The following TMEM132D variants were observed in gnomAD, a reference collection of about 807,000 sequenced individuals.
The protein encoded by TMEM132D is transmembrane protein 132D.
Under a neutral mutation model 62.3 loss-of-function variants are expected in TMEM132D, and 21 were observed. The observed-to-expected ratio is 0.34, with a 90% CI of 0.24 to 0.49. TMEM132D has a LOEUF of 0.49. Among genes scored for constraint, TMEM132D ranks in the 20% least tolerant of loss-of-function variants. The pLI, the probability that TMEM132D is intolerant of heterozygous loss-of-function variation, is 0.99. For synonymous variants in TMEM132D, 621 were observed against 575.6 expected (o/e 1.08, Z -1.13); for missense variants, 1,346 against 1,402.8 (o/e 0.96, Z 0.65).
chr12:129,727,596 G>A (rs1869083356), intron 1 of TMEM132D, among the ~76,000 whole-genome samples: 1 of 152,186 alleles, frequency 6.6e-6, no homozygotes, highest in East Asian at 1.9e-4. Context: ...AGGTCAGAGA[G>A]AGGGCAAGAG....
chr12:129,796,238 G>A (rs1180211062), intron 1 of TMEM132D, among the ~76,000 whole-genome samples: 1 of 152,026 alleles, frequency 6.6e-6, no homozygotes, highest in Admixed American at 6.6e-5. Context: ...AACTCTTTGG[G>A]CTAAATCTTT....
intron 1 of TMEM132D, among the ~76,000 whole-genome samples, chr12:129,727,698 A>T (rs981042476): frequency 4.7e-4 from 72 of 152,160 alleles, no homozygotes; most frequent in African/African-American, 1.7e-3. Flanking sequence ...CAGCATGAGA[A>T]ATTTTCTTCC....
chr12:129,450,422 T>C (rs1169558761), intron 3 of TMEM132D, among the ~76,000 whole-genome samples: 2 of 152,224 alleles, frequency 1.3e-5, no homozygotes, highest in Non-Finnish European at 2.9e-5. Flanking sequence ...TTTATCTATG[T>C]AACAAACCTG....
intron 2 of TMEM132D, among the ~76,000 whole-genome samples, chr12:129,537,079 GA>G (rs1351384149): frequency 1.3e-5 from 2 of 149,604 alleles, no homozygotes; most frequent in African/African-American, 4.9e-5. Context: ...AGAATTGCTT[GA>G]ACCCGGGAGG....
At chr12:129,339,455 A>G (rs908725688) in intron 3 of TMEM132D, among the ~76,000 whole-genome samples, 5 of 132,856 alleles carry the variant, frequency 3.8e-5, no homozygotes, top group African/African-American at 1.3e-4. Context: ...AAAAGACGAC[A>G]GCTGGTTTTT....
chr12:129,676,962 C>T (rs748853606), intron 2 of TMEM132D, among the ~76,000 whole-genome samples: 2 of 152,162 alleles, frequency 1.3e-5, no homozygotes, highest in East Asian at 3.9e-4. Flanking sequence ...CTTTTTTCCA[C>T]CTAATGTTTT....
At chr12:129,714,895 G>A (rs1343586659) in intron 1 of TMEM132D, among the ~76,000 whole-genome samples, 2 of 152,198 alleles carry the variant, frequency 1.3e-5, no homozygotes, top group African/African-American at 4.8e-5. Context: ...CTAGTGAGGA[G>A]GGTGCAGTTT....
intron 3 of TMEM132D, among the ~76,000 whole-genome samples, chr12:129,469,631 G>A (rs532891756): frequency 7.0e-4 from 106 of 152,266 alleles, no homozygotes; most frequent in Non-Finnish European, 1.1e-3. Context: ...CCACCTCACC[G>A]GACCCAGAGA....
intron 1 of TMEM132D, 87 bp from the exon 2 acceptor site, chr12:129,700,785 C>T: frequency 2.1e-6 from 3 of 1,444,446 alleles, no homozygotes; most frequent in Non-Finnish European, 2.8e-6. Context: ...CCCTTCATAA[C>T]AGAGGACCCT....
At chr12:129,240,854 T>C (rs545334447) in intron 4 of TMEM132D, among the ~76,000 whole-genome samples, 8 of 152,272 alleles carry the variant, frequency 5.3e-5, no homozygotes, top group African/African-American at 1.9e-4. Context: ...TAGCTAGGTG[T>C]TGAAGCCATA....
intron 2 of TMEM132D, among the ~76,000 whole-genome samples, chr12:129,697,882 G>A (rs264492): frequency 0.3 from 45,137 of 151,586 alleles, 7,335 homozygotes; most frequent in Non-Finnish European, 0.37. Flanking sequence ...GTGAAATTCA[G>A]TGCTACACAC....
At chr12:129,501,515 A>T (rs1449744269) in intron 3 of TMEM132D, among the ~76,000 whole-genome samples, 10 of 150,862 alleles carry the variant, frequency 6.6e-5, no homozygotes, top group African/African-American at 1.9e-4. Context: ...AATTTTTTTT[A>T]TTTTTTTTTG....
chr12:129,458,459 CA>C (rs1873550824), intron 3 of TMEM132D, among the ~76,000 whole-genome samples: 1 of 150,080 alleles, frequency 6.7e-6, no homozygotes, highest in African/African-American at 2.5e-5. Context: ...CCATAAGACA[CA>C]AGCTAAATTT....
intron 3 of TMEM132D, among the ~76,000 whole-genome samples, chr12:129,359,301 T>A (rs1870173745): frequency 6.6e-6 from 1 of 152,158 alleles, no homozygotes; most frequent in Admixed American, 6.5e-5. Context: ...TTACAGAGTT[T>A]CTGTTTGGGG....
intron 2 of TMEM132D, among the ~76,000 whole-genome samples, chr12:129,617,806 C>T (rs935882653): frequency 4.6e-5 from 7 of 152,120 alleles, no homozygotes; most frequent in African/African-American, 1.7e-4. Flanking sequence ...CATGAGGTTC[C>T]ACCCTCATAA....
chr12:129,844,626 A>G (rs568177054), intron 1 of TMEM132D, among the ~76,000 whole-genome samples: 2 of 152,308 alleles, frequency 1.3e-5, no homozygotes, highest in African/African-American at 4.8e-5. Flanking sequence ...CTAAATAATG[A>G]GAAGAACGAT....
chr12:129,280,130 G>A, intron 4 of TMEM132D, among the ~76,000 whole-genome samples: 1 of 152,164 alleles, frequency 6.6e-6, no homozygotes, highest in East Asian at 1.9e-4. Flanking sequence ...AGTATTTAAT[G>A]TTCTAATTAA....
chr12:129,806,829 C>T (rs796382870), intron 1 of TMEM132D, among the ~76,000 whole-genome samples: 20 of 152,200 alleles, frequency 1.3e-4, no homozygotes, highest in African/African-American at 4.8e-4. Context: ...CGTTTGAGAC[C>T]AGCCTGGGCA....
At chr12:129,449,409 G>A (rs1046409148) in intron 3 of TMEM132D, among the ~76,000 whole-genome samples, 31 of 152,298 alleles carry the variant, frequency 2.0e-4, no homozygotes, top group African/African-American at 7.5e-4. Context: ...TGCAGAGTTA[G>A]GTAAGGCTGT....
Sources: allele counts gnomAD v4.1 joint callset (sites outside exome capture counted in the v4.1 genomes callset), GRCh38; gene constraint gnomAD v4.1.1; transcripts MANE v1.5; gene names NCBI Gene and HGNC (gene_info 2026-07-23, HGNC 2026-07-21).